The following KCNMA1 variants were observed in gnomAD, a reference collection of about 807,000 sequenced individuals.
The protein encoded by KCNMA1 is Calcium-activated potassium channel subunit alpha-1.
KCNMA1 carries 29 observed loss-of-function variants against 140.0 expected under a neutral mutation model. That is an observed-to-expected ratio of 0.21 (90% CI 0.15 to 0.28). KCNMA1 has a LOEUF of 0.28. Ranked by LOEUF, KCNMA1 falls within the 10% of genes least tolerant of loss-of-function variation. The pLI is 1.00. For synonymous variants in KCNMA1, 612 were observed against 611.9 expected, an observed-to-expected ratio of 1.00 and a Z score of 0.00; for missense variants, 880 against 1,602.2, an observed-to-expected ratio of 0.55 and a Z score of 7.70.
intron 2 of KCNMA1, among the ~76,000 whole-genome samples, chr10:77,386,613 T>A (rs1336595355): frequency 1.3e-5 from 2 of 152,226 alleles, no homozygotes; most frequent in East Asian, 3.8e-4. Context: ...TAAAGAGAAC[T>A]TTGCTTTGAC....
chr10:77,221,822 G>C (rs1222132017), intron 3 of KCNMA1, among the ~76,000 whole-genome samples: 1 of 152,140 alleles, frequency 6.6e-6, no homozygotes, highest in East Asian at 1.9e-4. Context: ...AAGCATTAAA[G>C]GACTAGACTG....
intron 5 of KCNMA1, among the ~76,000 whole-genome samples, chr10:77,134,388 C>T (rs1004523826): frequency 6.0e-5 from 9 of 150,904 alleles, no homozygotes; most frequent in Non-Finnish European, 1.2e-4. Context: ...AAAAATCAAA[C>T]AGCTACATCA....
intron 2 of KCNMA1, among the ~76,000 whole-genome samples, chr10:77,345,538 T>C (rs2091957566): frequency 6.6e-6 from 1 of 152,232 alleles, no homozygotes; most frequent in Non-Finnish European, 1.5e-5. Flanking sequence ...ATGGGTTTCA[T>C]ACCTGTGTCT....
At chr10:77,004,824 T>A (rs1334663926) in intron 18 of KCNMA1, among the ~76,000 whole-genome samples, 1 of 152,206 alleles carries the variant, frequency 6.6e-6, no homozygotes, top group Admixed American at 6.5e-5. Context: ...TGTTTCCATT[T>A]CTCAGTGACT....
At chr10:76,953,231 C>T (rs559408246) in intron 21 of KCNMA1, among the ~76,000 whole-genome samples, 1 of 152,328 alleles carries the variant, frequency 6.6e-6, no homozygotes, top group African/African-American at 2.4e-5. Flanking sequence ...AGAAAGCTCA[C>T]AGATGCACAA....
intron 1 of KCNMA1, among the ~76,000 whole-genome samples, chr10:77,553,061 CA>C (rs1567504313): frequency 6.9e-6 from 1 of 145,350 alleles, no homozygotes. Context: ...CAAAACAAAA[CA>C]AAAAAACGCC....
At chr10:77,347,126 ATGTGT>A (rs1295846177) in intron 2 of KCNMA1, among the ~76,000 whole-genome samples, 1 of 152,106 alleles carries the variant, frequency 6.6e-6, no homozygotes, top group African/African-American at 2.4e-5. Flanking sequence ...CAATATCCTG[ATGTGT>A]TGTGAGGATT....
chr10:77,563,556 A>G (rs1421109428), intron 1 of KCNMA1, among the ~76,000 whole-genome samples: 1 of 152,046 alleles, frequency 6.6e-6, no homozygotes, highest in African/African-American at 2.4e-5. Flanking sequence ...CCTAGCCCCA[A>G]CACTGACTCC....
intron 5 of KCNMA1, among the ~76,000 whole-genome samples, chr10:77,158,181 A>C (rs2098510110): frequency 6.6e-6 from 1 of 152,230 alleles, no homozygotes; most frequent in Admixed American, 6.5e-5. Context: ...CATCATCCTC[A>C]AGAATCTTCT....
intron 1 of KCNMA1, among the ~76,000 whole-genome samples, chr10:77,407,700 T>A (rs2154472450): frequency 6.6e-6 from 1 of 152,250 alleles, no homozygotes; most frequent in Non-Finnish European, 1.5e-5. Flanking sequence ...CTCAGCCTCT[T>A]CCATGTAAGA....
At chr10:76,958,439 C>T (rs1208621190) in intron 20 of KCNMA1, among the ~76,000 whole-genome samples, 2 of 152,198 alleles carry the variant, frequency 1.3e-5, no homozygotes, top group Non-Finnish European at 2.9e-5. Flanking sequence ...GTAATAGAAA[C>T]TCTATGATGT....
At chr10:77,113,309 C>T (rs1441894764) in intron 6 of KCNMA1, among the ~76,000 whole-genome samples, 3 of 152,086 alleles carry the variant, frequency 2.0e-5, no homozygotes, top group African/African-American at 2.4e-5. Context: ...AACAGGCAGC[C>T]GGCATGGGCT....
At chr10:77,022,891 G>A (rs2093015999) in intron 16 of KCNMA1, 1 of 452,386 alleles carries the variant, frequency 2.2e-6, no homozygotes, top group Non-Finnish European at 4.4e-6. Flanking sequence ...TCTCAGATGT[G>A]TTAAGTATGA....
chr10:77,206,721 G>A (rs781349696), intron 3 of KCNMA1, among the ~76,000 whole-genome samples: 1 of 147,350 alleles, frequency 6.8e-6, no homozygotes, highest in South Asian at 2.1e-4. Context: ...ACCTACACAA[G>A]TGCCTGACAC....
intron 2 of KCNMA1, among the ~76,000 whole-genome samples, chr10:77,340,010 T>A (rs1272857140): frequency 6.6e-6 from 1 of 152,192 alleles, no homozygotes; most frequent in African/African-American, 2.4e-5. Context: ...ACATCTAGAC[T>A]TCTACTTGTA....
chr10:77,439,282 T>C (rs2097343742), intron 1 of KCNMA1, among the ~76,000 whole-genome samples: 1 of 152,240 alleles, frequency 6.6e-6, no homozygotes, highest in Non-Finnish European at 1.5e-5. Flanking sequence ...TATTGCTCTA[T>C]CACAAATCTA....
intron 5 of KCNMA1, among the ~76,000 whole-genome samples, chr10:77,138,777 G>T (rs1188066864): frequency 6.6e-6 from 1 of 152,132 alleles, no homozygotes; most frequent in Non-Finnish European, 1.5e-5. Context: ...CAGTGTCTCT[G>T]CTCCAGAAAC....
At chr10:77,058,061 G>GA (rs34511733) in intron 14 of KCNMA1, among the ~76,000 whole-genome samples, 12,503 of 151,842 alleles carry the variant, frequency 0.082, 652 homozygotes, top group Non-Finnish European at 0.12. Flanking sequence ...AAACAAAAAA[G>GA]AGGAGAAAAG....
rs529252639 is a variant in KCNMA1 at position 77,108,884 on chromosome 10, AG to A, written c.1132-313del. 3.7e-3 allele frequency among the ~76,000 whole-genome samples: 559 copies of A among 152,280 alleles called. 5 individuals carry two copies. Among genetic ancestry groups the A allele is most frequent in the African/African-American group, 0.013 (535 of 41,546 alleles). ...TTCTTGCTGAAGAAAAATAGGCAAG[AG>A]GGGGACATGCTAGTGAAACTAAACA... On this transcript the variant is annotated intron_variant, in intron 8 of 27. Transcript: ENST00000286628. The surrounding 1 kb of genome is among the most constrained non-coding windows in gnomAD (Gnocchi z 4.6).
Sources: gnomAD v4.1 joint callset for allele counts (sites outside exome capture counted in the v4.1 genomes callset) on GRCh38, gnomAD v4.1.1 for gene constraint, Gnocchi (gnomAD v3.1) non-coding constraint, MANE v1.5 for transcripts, NCBI Gene and HGNC (gene_info 2026-07-23, HGNC 2026-07-21) for gene names.